HCN1: variants seen among roughly 807,000 people sequenced by gnomAD.
HCN1 encodes potassium/sodium hyperpolarization-activated cyclic nucleotide-gated channel 1.
Under a neutral mutation model 78.9 loss-of-function variants are expected in HCN1, and 13 were observed. That is an observed-to-expected ratio of 0.16 (90% CI 0.11 to 0.26). The LOEUF is 0.26. HCN1 is among the 10% of genes least tolerant of loss of function. The pLI is 1.00. For synonymous variants in HCN1, 552 were observed against 455.5 expected (o/e 1.21, Z -2.70); for missense variants, 810 against 1,154.3 (o/e 0.70, Z 4.32).
At chr5:45,275,703 G>A (rs538282286) in intron 6 of HCN1, among the ~76,000 whole-genome samples, 23 of 152,190 alleles carry the variant, frequency 1.5e-4, no homozygotes, top group African/African-American at 3.4e-4. Flanking sequence ...GATATGTTAC[G>A]TAGGTAGGAA....
intron 6 of HCN1, among the ~76,000 whole-genome samples, chr5:45,291,764 A>G (rs1418490929): frequency 6.6e-6 from 1 of 152,012 alleles, no homozygotes; most frequent in African/African-American, 2.4e-5. Context: ...TCCTGGGATC[A>G]AGTGATCCTT....
chr5:45,372,226 T>A (rs1286523398), intron 4 of HCN1, among the ~76,000 whole-genome samples: 1 of 74,562 alleles, frequency 1.3e-5, no homozygotes, highest in African/African-American at 6.1e-5. Context: ...ATAATATATA[T>A]AATATATATT....
At chr5:45,377,740 G>A (rs1747713387) in intron 4 of HCN1, among the ~76,000 whole-genome samples, 1 of 151,956 alleles carries the variant, frequency 6.6e-6, no homozygotes, top group South Asian at 2.1e-4. Context: ...AGTCAGGTAG[G>A]TATGTGACTG....
In HCN1 at chr5:45,332,086, C is replaced by T. The variant is rs989925274; in HGVS notation, c.1377+21014G>A. The stretch of plus-strand genomic sequence containing the variant: ...GGTTCTGATTTTAAACTCTGGAAAA[C>T]AGTATTGTCTTTTTAAAATTTCTAT... On this transcript the variant is annotated intron_variant, in intron 5 of 7. Transcript: ENST00000303230. Among the ~76,000 whole-genome samples the T allele has an allele frequency of 2.6e-5, 4 of 151,394 alleles. No individual in the cohort carries two copies. The South Asian group carries it at 6.2e-4, about 23-fold the overall frequency.
intron 4 of HCN1, among the ~76,000 whole-genome samples, chr5:45,386,903 A>G (rs1411420499): frequency 3.3e-5 from 5 of 152,252 alleles, no homozygotes; most frequent in Non-Finnish European, 7.4e-5. Flanking sequence ...TGCTAAAGTA[A>G]CTTTTAAATT....
intron 5 of HCN1, among the ~76,000 whole-genome samples, chr5:45,348,491 G>T (rs866762961): frequency 1.6e-4 from 25 of 152,248 alleles, no homozygotes; most frequent in African/African-American, 6.0e-4. Flanking sequence ...ACATCATAAT[G>T]ACAGGATCAA....
At chr5:45,362,257 C>G (rs1747130264) in intron 4 of HCN1, among the ~76,000 whole-genome samples, 1 of 151,368 alleles carries the variant, frequency 6.6e-6, no homozygotes, top group Non-Finnish European at 1.5e-5. Context: ...ACATGCCTAC[C>G]ATGGTTAACT....
intron 1 of HCN1, among the ~76,000 whole-genome samples, chr5:45,668,158 G>T (rs1320385385): frequency 6.6e-6 from 1 of 151,864 alleles, no homozygotes; most frequent in Non-Finnish European, 1.5e-5. Flanking sequence ...ATATGCCTAA[G>T]AGTAGCTTAA....
At chr5:45,466,201 A>G (rs901643002) in intron 2 of HCN1, among the ~76,000 whole-genome samples, 1 of 152,172 alleles carries the variant, frequency 6.6e-6, no homozygotes, top group African/African-American at 2.4e-5. Flanking sequence ...AAATGCTTCC[A>G]TATTCTTTCC....
intron 6 of HCN1, among the ~76,000 whole-genome samples, chr5:45,286,430 T>C (rs1745271731): frequency 6.6e-6 from 1 of 151,990 alleles, no homozygotes; most frequent in Non-Finnish European, 1.5e-5. Context: ...ATAAGAACTT[T>C]TAACATATTT....
intron 4 of HCN1, among the ~76,000 whole-genome samples, chr5:45,391,821 C>G (rs3923055): frequency 0.32 from 49,340 of 152,012 alleles, 10,359 homozygotes; most frequent in African/African-American, 0.58. Context: ...AGAAAATGGT[C>G]CTTATACTCC....
intron 2 of HCN1, among the ~76,000 whole-genome samples, chr5:45,620,846 C>G (rs1381255487): frequency 6.6e-6 from 1 of 152,140 alleles, no homozygotes; most frequent in Non-Finnish European, 1.5e-5. Flanking sequence ...AATGAAGGTA[C>G]TTTAAGGATC....
intron 6 of HCN1, among the ~76,000 whole-genome samples, chr5:45,282,686 G>A (rs1745192100): frequency 6.6e-6 from 1 of 152,120 alleles, no homozygotes; most frequent in Admixed American, 6.6e-5. Context: ...AATTCAGCAA[G>A]CATCTACTTA....
At chr5:45,387,450 T>C (rs1179008367) in intron 4 of HCN1, among the ~76,000 whole-genome samples, 1 of 152,054 alleles carries the variant, frequency 6.6e-6, no homozygotes, top group Admixed American at 6.6e-5. Context: ...GGTAAATAAA[T>C]ATTTTACATA....
At chr5:45,419,171 T>G (rs1355376791) in intron 3 of HCN1, among the ~76,000 whole-genome samples, 1 of 152,148 alleles carries the variant, frequency 6.6e-6, no homozygotes, top group Non-Finnish European at 1.5e-5. Context: ...GACTTTGAGC[T>G]ATTATTTCAT....
At chr5:45,437,759 C>T (rs999840510) in intron 3 of HCN1, among the ~76,000 whole-genome samples, 5 of 152,142 alleles carry the variant, frequency 3.3e-5, no homozygotes, top group African/African-American at 1.2e-4. Context: ...AACAAGTTAC[C>T]CTGAAACTTA....
At position 45,257,083 on chromosome 5, in the gene HCN1, T is replaced by A. The variant is rs751582534; in HGVS notation, c.*4838A>T. The A allele has an allele frequency of 2.6e-5, 4 of 152,138 alleles. No homozygotes were observed. The highest frequency in any genetic ancestry group is 5.9e-5 in the Non-Finnish European group (4 of 68,034). The allele number at this position is 152,138 out of a possible 1,614,324, so 9.4% of individuals were successfully genotyped here. On this transcript the variant is annotated 3_prime_UTR_variant, in exon 8 of 8. Coordinates refer to ENST00000303230, the MANE Select transcript of HCN1 (RefSeq NM_021072.4). ...AGCATCCTCACAAGGCAGGGTGGGG[T>A]TGTAAATAGCCCCCAGTTTTTGCTG... is the stretch of plus-strand genomic sequence containing the variant.
chr5:45,640,624 G>T (rs1237083751), intron 2 of HCN1, among the ~76,000 whole-genome samples: 2 of 150,906 alleles, frequency 1.3e-5, no homozygotes, highest in African/African-American at 4.9e-5. Context: ...GCCCAGGCTG[G>T]AGTGCAATGG....
intron 3 of HCN1, among the ~76,000 whole-genome samples, chr5:45,417,725 C>T (rs1740144702): frequency 7.0e-6 from 1 of 142,806 alleles, no homozygotes; most frequent in South Asian, 2.2e-4. Flanking sequence ...ATAAGAGCTA[C>T]CCAGGGTCTC....
Sources: allele counts gnomAD v4.1 joint callset (sites outside exome capture counted in the v4.1 genomes callset), GRCh38; gene constraint gnomAD v4.1.1; transcripts MANE v1.5; gene names NCBI Gene and HGNC (gene_info 2026-07-23, HGNC 2026-07-21).